SNX29: variants seen among roughly 807,000 people sequenced by gnomAD.
SNX29 encodes the protein sorting nexin-29.
In SNX29, 78 loss-of-function variants were observed where a neutral mutation model predicts 102.1. The ratio of observed to expected loss-of-function variants is 0.76; its 90% CI spans 0.64 to 0.92. SNX29 has a LOEUF of 0.92. SNX29 is among the 40% of genes least tolerant of loss of function. The pLI is 0.00. For synonymous variants in SNX29, 580 were observed against 414.5 expected (o/e 1.40, Z -4.85); for missense variants, 1,280 against 1,061.7 (o/e 1.21, Z -2.86).
intron 5 of SNX29, 66 bp downstream of exon 5, chr16:12,043,143 C>G (rs1386649735): frequency 1.3e-6 from 2 of 1,576,494 alleles, no homozygotes; most frequent in African/African-American, 1.4e-5. Flanking sequence ...AGTCTGGAAT[C>G]AGACCACCTG....
chr16:12,263,275 C>G (rs1246548521), intron 14 of SNX29, among the ~76,000 whole-genome samples: 2 of 151,936 alleles, frequency 1.3e-5, no homozygotes, highest in Non-Finnish European at 2.9e-5. Flanking sequence ...GGTATTATAG[C>G]CACCAACATA....
intron 19 of SNX29, among the ~76,000 whole-genome samples, chr16:12,522,572 T>A (rs1291218250): frequency 6.6e-6 from 1 of 152,134 alleles, no homozygotes; most frequent in African/African-American, 2.4e-5. Context: ...CTCCTTGCTG[T>A]TCTCATGACA....
intron 18 of SNX29, among the ~76,000 whole-genome samples, chr16:12,458,513 T>C (rs1453206424): frequency 6.6e-6 from 1 of 152,170 alleles, no homozygotes; most frequent in African/African-American, 2.4e-5. Context: ...TTTGTATTTA[T>C]TATGTACATT....
At chr16:12,276,998 C>T (rs902250050) in intron 14 of SNX29, among the ~76,000 whole-genome samples, 1 of 152,182 alleles carries the variant, frequency 6.6e-6, no homozygotes, top group African/African-American at 2.4e-5. Context: ...TTTACACATA[C>T]TCTGACCCCC....
chr16:12,365,186 T>C (rs1198815094), intron 16 of SNX29, among the ~76,000 whole-genome samples: 1 of 152,210 alleles, frequency 6.6e-6, no homozygotes, highest in African/African-American at 2.4e-5. Context: ...ATGGTGTCTG[T>C]TGTGCTCCAG....
intron 16 of SNX29, among the ~76,000 whole-genome samples, 182 bp from the exon 17 acceptor site, chr16:12,398,264 C>T (rs1056605947): frequency 6.6e-6 from 1 of 152,152 alleles, no homozygotes; most frequent in African/African-American, 2.4e-5. Context: ...TTTATTGCTG[C>T]AACATCCTCT....
chr16:12,137,918 C>G (rs2054721522), intron 13 of SNX29, among the ~76,000 whole-genome samples: 1 of 152,214 alleles, frequency 6.6e-6, no homozygotes, highest in South Asian at 2.1e-4. Context: ...AACACCTGCT[C>G]TGGCGGGAAA....
intron 1 of SNX29, among the ~76,000 whole-genome samples, chr16:11,998,959 G>A (rs548889803): frequency 6.6e-6 from 1 of 152,306 alleles, no homozygotes; most frequent in African/African-American, 2.4e-5. Context: ...GGCATTACAT[G>A]GAGACATTTT....
In SNX29 at chr16:11,980,284, C is replaced by T. The variant is rs1046385777; in HGVS notation, c.7+3471C>T. ...ACAGTATGTGACCTCTCTTATCTGG[C>T]TTTTTTCACTCGGTATAATTTTCCT... On this transcript the variant is annotated intron_variant, in intron 1 of 20. Coordinates refer to ENST00000566228, the MANE Select transcript of SNX29 (RefSeq NM_032167.5). 3.9e-5 allele frequency among the ~76,000 whole-genome samples: 6 copies of T among 152,212 alleles called. No individual in the cohort carries two copies. The South Asian group carries it at 1.2e-3, about 32-fold the overall frequency.
In SNX29 at chr16:12,572,412, G is replaced by A. The variant is rs954748684; in HGVS notation, c.*3783G>A. 43 of 1,063,756 alleles carry A rather than the reference G, an allele frequency of 4.0e-5. No individual in the cohort carries two copies. The highest frequency in any genetic ancestry group is 8.3e-4 in the Middle Eastern group (2 of 2,420). 65.9% of individuals were successfully genotyped at this position (1,063,756 alleles called of 1,614,324 possible). Reference sequence around the variant, plus strand: ...CCAACAGCCTGAGGCAGGGCTCTGTGGCCCAGGCCGGCAGTGGCTGCCTCT... The same window carrying A: ...CCAACAGCCTGAGGCAGGGCTCTGTAGCCCAGGCCGGCAGTGGCTGCCTCT... On this transcript the variant is annotated 3_prime_UTR_variant, in exon 21 of 21. Coordinates refer to ENST00000566228, the MANE Select transcript of SNX29 (RefSeq NM_032167.5).
intron 14 of SNX29, among the ~76,000 whole-genome samples, chr16:12,235,997 G>A (rs1453314503): frequency 6.6e-6 from 1 of 152,056 alleles, no homozygotes; most frequent in African/African-American, 2.4e-5. Context: ...CTAGGGTAGG[G>A]GACGGAATAA....
chr16:12,552,808 A>G (rs2078067477), intron 20 of SNX29, among the ~76,000 whole-genome samples: 1 of 152,130 alleles, frequency 6.6e-6, no homozygotes, highest in Admixed American at 6.5e-5. Context: ...TGGAGGAGAG[A>G]ACAGCCAACA....
chr16:12,567,385 G>A (rs2079055980), intron 20 of SNX29, among the ~76,000 whole-genome samples: 1 of 152,198 alleles, frequency 6.6e-6, no homozygotes, highest in South Asian at 2.1e-4. Context: ...TTATCCCAGT[G>A]AGGTATTTAC....
chr16:12,380,162 A>T (rs181680016), intron 16 of SNX29, among the ~76,000 whole-genome samples: 1 of 152,132 alleles, frequency 6.6e-6, no homozygotes, highest in African/African-American at 2.4e-5. Flanking sequence ...TAGCTGACCT[A>T]AGGGCTGATC....
intron 14 of SNX29, among the ~76,000 whole-genome samples, chr16:12,270,887 C>CA (rs1222660029): frequency 6.6e-6 from 1 of 151,960 alleles, no homozygotes; most frequent in Non-Finnish European, 1.5e-5. Flanking sequence ...ACTAAAAATA[C>CA]AAAAAATTAG....
At chr16:12,236,581 C>A (rs2077941263) in intron 14 of SNX29, among the ~76,000 whole-genome samples, 1 of 152,170 alleles carries the variant, frequency 6.6e-6, no homozygotes, top group Admixed American at 6.5e-5. Flanking sequence ...TCTGTGGGTC[C>A]ATTGAATGCT....
chr16:12,519,624 G>A (rs548284233), intron 19 of SNX29, among the ~76,000 whole-genome samples: 1 of 152,320 alleles, frequency 6.6e-6, no homozygotes, highest in Non-Finnish European at 1.5e-5. Flanking sequence ...CACAAATATG[G>A]AAAAGAGTTA....
chr16:12,080,644 C>T (rs899575398), intron 11 of SNX29, among the ~76,000 whole-genome samples: 19 of 151,908 alleles, frequency 1.3e-4, no homozygotes, highest in Admixed American at 9.2e-4. Flanking sequence ...CCTTCCAAAG[C>T]GCTGGGATGA....
At chr16:12,165,119 T>C (rs1466719356) in intron 13 of SNX29, among the ~76,000 whole-genome samples, 2 of 152,236 alleles carry the variant, frequency 1.3e-5, no homozygotes, top group Non-Finnish European at 2.9e-5. Context: ...AGCAGAACTT[T>C]TGGAGACATA....
Sources: gnomAD v4.1 joint callset for allele counts (sites outside exome capture counted in the v4.1 genomes callset) on GRCh38, gnomAD v4.1.1 for gene constraint, MANE v1.5 for transcripts, NCBI Gene and HGNC (gene_info 2026-07-23, HGNC 2026-07-21) for gene names.